Variants in VPS13A observed in about 807,000 individuals in gnomAD.
VPS13A encodes the protein intermembrane lipid transfer protein VPS13A.
Under a neutral mutation model 390.9 loss-of-function variants are expected in VPS13A, and 264 were observed. That is an observed-to-expected ratio of 0.68 (90% CI 0.61 to 0.75). The LOEUF is 0.75. Ranked by LOEUF, VPS13A falls within the 30% of genes least tolerant of loss-of-function variation. VPS13A has a pLI of 0.00. For synonymous variants in VPS13A, 1,231 were observed against 1,227.1 expected (o/e 1.00, Z -0.07); for missense variants, 3,409 against 3,733.9 (o/e 0.91, Z 2.27).
Position 77,406,003 on chromosome 9 carries a change from T to A in VPS13A, c.9399+16T>A, listed in dbSNP as rs926722203. ...TGAAGCAAAGGTATGTTGAATAGAT[T>A]TATTTTTTGAAAACTTGGAACTGAA... On this transcript the variant is annotated intron_variant, in intron 70 of 71. Coordinates refer to ENST00000360280, the MANE Select transcript of VPS13A (RefSeq NM_033305.3). The A allele has an allele frequency of 6.2e-7, 1 of 1,612,974 alleles. No homozygotes were observed. The highest frequency in any genetic ancestry group is 1.3e-5 in the African/African-American group (1 of 75,032).
Position 77,247,359 on chromosome 9 carries a change from A to G in VPS13A, c.2001A>G (p.Thr667=). The part of the protein sequence containing the change: ...IVPQDGIFSP[T]SNLLLLDLGH... ...CACAAGATGGAATTTTTAGTCCTAC[A>G]TCAAATCTGCTTCTTTTGGACCTTG... The change falls in exon 20 of 72, where the codon ACA becomes ACG. Residue 667 remains threonine, a synonymous_variant. Transcript: ENST00000360280. 1 of 1,612,634 alleles carries G rather than the reference A, an allele frequency of 6.2e-7. No individual in the cohort carries two copies. The highest frequency in any genetic ancestry group is 8.5e-7 in the Non-Finnish European group (1 of 1,179,334).
rs201871765 is a variant in VPS13A at position 77,370,292 on chromosome 9, A to T, written c.8703A>T (p.Gly2901=). ...AIQGPEEFVE[G]MALGLKALVG... ...AGGGTCCTGAAGAGTTTGTGGAAGG[A>T]ATGGCACTAGGACTTAAGGCACTAG... The change falls in exon 64 of 72, where the codon GGA becomes GGT. Residue 2901 remains glycine (G), a synonymous_variant. Coordinates refer to ENST00000360280, the MANE Select transcript of VPS13A (RefSeq NM_033305.3). 13 of 1,614,160 alleles carry T rather than the reference A, an allele frequency of 8.1e-6. No individual in the cohort carries two copies. Among genetic ancestry groups the T allele is most frequent in the Non-Finnish European group, 1.1e-5 (13 of 1,180,020 alleles).
chr9:77,407,434 G>T, intron 70 of VPS13A, 99 bp from the exon 71 acceptor site: 2 of 933,084 alleles, frequency 2.1e-6, no homozygotes, highest in Non-Finnish European at 1.7e-6. Flanking sequence ...TGTATAAGAG[G>T]GACACTTTAG....
At chr9:77,216,419 A>G (rs1297386378) in intron 10 of VPS13A, among the ~76,000 whole-genome samples, 1 of 152,182 alleles carries the variant, frequency 6.6e-6, no homozygotes, top group Non-Finnish European at 1.5e-5. Context: ...AGAACATGAC[A>G]AATTGACGAT....
At chr9:77,309,454 C>T (rs1272891044) in intron 35 of VPS13A, among the ~76,000 whole-genome samples, 4 of 152,072 alleles carry the variant, frequency 2.6e-5, no homozygotes, top group South Asian at 4.2e-4. Flanking sequence ...TTCCAAGACC[C>T]GTCGATGCCT....
chr9:77,347,867 T>G (rs1020275399), intron 52 of VPS13A, among the ~76,000 whole-genome samples: 1 of 152,034 alleles, frequency 6.6e-6, no homozygotes, highest in African/African-American at 2.4e-5. Context: ...AGTGAAGTTT[T>G]TTTTTTTCCT....
Position 77,292,185 on chromosome 9 carries a change from A to G in VPS13A, c.3340-1156A>G, listed in dbSNP as rs77818265. Among the ~76,000 whole-genome samples the G allele has an allele frequency of 4.0e-4, 61 of 152,132 alleles. No homozygotes were observed. In the East Asian group the frequency reaches 0.01, roughly 26 times the overall value. On this transcript the variant is annotated intron_variant, in intron 31 of 71. Transcript: ENST00000360280. ...CTTCTCTTGTTTCCCACTTGCACCCATCTCCCGTCTTTCTCAAGAGCTCCT... is the reference window on the plus strand; with the variant it reads ...CTTCTCTTGTTTCCCACTTGCACCCGTCTCCCGTCTTTCTCAAGAGCTCCT...
intron 50 of VPS13A, among the ~76,000 whole-genome samples, chr9:77,343,775 T>A (rs1009444770): frequency 1.3e-5 from 2 of 152,176 alleles, no homozygotes; most frequent in Non-Finnish European, 2.9e-5. Context: ...CATACCTGAT[T>A]TTGATTTTTA....
In VPS13A at chr9:77,339,919, A is replaced by G. The variant is rs2131506240; in HGVS notation, c.6774+8A>G. 6.2e-7 allele frequency: 1 copy of G among 1,607,652 alleles called. No individual in the cohort carries two copies. The highest frequency in any genetic ancestry group is 1.7e-5 in the Admixed American group (1 of 59,996). On this transcript the variant is annotated splice_region_variant and intron_variant, in intron 48 of 71. Coordinates refer to ENST00000360280, the MANE Select transcript of VPS13A (RefSeq NM_033305.3). ...TTTTTTAATAACAATAAGGTATGCG[A>G]TGTTTATTCTGTTTTTCCCTTGTCT...
chr9:77,193,043 G>T (rs576582273), intron 1 of VPS13A, among the ~76,000 whole-genome samples: 2 of 152,194 alleles, frequency 1.3e-5, no homozygotes, highest in Admixed American at 1.3e-4. Flanking sequence ...CCATTGAAAA[G>T]TTATTTTTCC....
rs779850305 is a variant in VPS13A at position 77,318,383 on chromosome 9, AATC to A, written c.5107_5109del (p.Ser1703del). The stretch of plus-strand genomic sequence containing the variant: ...ACTTTAAAAATGTGGTTTCTTGAAG[AATC>A]AAATGAAACTGAAAAAATAGCTCCC... On this transcript the variant is annotated inframe_deletion, in exon 41 of 72. Transcript: ENST00000360280. 5.6e-6 allele frequency: 9 copies of A among 1,613,924 alleles called. No homozygotes were observed. Among genetic ancestry groups the A allele is most frequent in the Non-Finnish European group, 7.6e-6 (9 of 1,179,910 alleles).
At position 77,302,920 on chromosome 9, in the gene VPS13A, G is replaced by T. The variant is rs201135133; in HGVS notation, c.3818G>T (p.Arg1273Leu). Residue 1273 changes from arginine (R) to leucine (L), a missense_variant, in exon 34 of 72, where the codon CGA (arginine) becomes CTA (leucine). Physicochemically the swap from Arg to Leu is moderately radical, Grantham distance 102 (BLOSUM62 -2). Coordinates refer to ENST00000360280, the MANE Select transcript of VPS13A (RefSeq NM_033305.3). The stretch of plus-strand genomic sequence containing the variant: ...AATGTTATCTCTACTTATAGATCTC[G>T]ATTTATTAATGATGCATACCAGGAA... ...KLSEMRLYRS[R>L]FINDAYQEVL... 1.9e-6 allele frequency: 3 copies of T among 1,612,970 alleles called. No homozygotes were observed. Among genetic ancestry groups the T allele is most frequent in the South Asian group, 1.1e-5 (1 of 91,020 alleles).
rs1829521577 is a variant in VPS13A at position 77,318,230 on chromosome 9, T to C, written c.4957-5T>C. 1 of 1,569,400 alleles carries C rather than the reference T, an allele frequency of 6.4e-7. No homozygotes were observed. The highest frequency in any genetic ancestry group is 1.2e-5 in the South Asian group (1 of 85,978). On this transcript the variant is annotated splice_region_variant and splice_polypyrimidine_tract_variant and intron_variant, in intron 40 of 71. Coordinates refer to ENST00000360280, the MANE Select transcript of VPS13A (RefSeq NM_033305.3). ...GTATAGACTTATTAATTTTTTTCCA[T>C]TTAGGTTTCACCAGTTATTATAAAT...
At chr9:77,208,121 G>A (rs72742570) in intron 5 of VPS13A, among the ~76,000 whole-genome samples, 11,679 of 152,216 alleles carry the variant, frequency 0.077, 567 homozygotes, top group East Asian at 0.12. Context: ...TTAATCGAAT[G>A]ACTAAATGAA....
At chr9:77,248,374 C>T (rs1824950818) in intron 20 of VPS13A, among the ~76,000 whole-genome samples, 1 of 151,890 alleles carries the variant, frequency 6.6e-6, no homozygotes, top group African/African-American at 2.4e-5. Context: ...CGCCACCACG[C>T]CCGGCTAATT....
At chr9:77,239,422 A>G (rs1287670449) in intron 19 of VPS13A, among the ~76,000 whole-genome samples, 2 of 152,044 alleles carry the variant, frequency 1.3e-5, no homozygotes, top group Admixed American at 6.5e-5. Context: ...AAATTTTAAG[A>G]CTGTCATTAA....
At chr9:77,292,214 G>A (rs183979220) in intron 31 of VPS13A, among the ~76,000 whole-genome samples, 3 of 152,166 alleles carry the variant, frequency 2.0e-5, no homozygotes, top group East Asian at 3.9e-4. Context: ...AGCTCCTCAC[G>A]TGTGTGGCTC....
At chr9:77,390,824 A>C (rs569258180) in intron 68 of VPS13A, among the ~76,000 whole-genome samples, 36 of 151,970 alleles carry the variant, frequency 2.4e-4, no homozygotes, top group Non-Finnish European at 1.5e-5. Flanking sequence ...GATTATAGAC[A>C]TGAGCCACTG....
chr9:77,279,931 G>A, intron 26 of VPS13A: 1 of 386,300 alleles, frequency 2.6e-6, no homozygotes, highest in South Asian at 2.6e-5. Context: ...AGAAGGGTAT[G>A]AGACTTCAGT....
Sources: gnomAD v4.1 joint callset for allele counts (sites outside exome capture counted in the v4.1 genomes callset) on GRCh38, gnomAD v4.1.1 for gene constraint, MANE v1.5 for transcripts, NCBI Gene and HGNC (gene_info 2026-07-23, HGNC 2026-07-21) for gene names.